The following RFX3 variants were observed in gnomAD, a reference collection of about 807,000 sequenced individuals.
RFX3 encodes the protein transcription factor RFX3.
In RFX3, 14 loss-of-function variants were observed where a neutral mutation model predicts 98.6. That is an observed-to-expected ratio of 0.14 (90% CI 0.09 to 0.22). The LOEUF (loss-of-function observed/expected upper bound fraction) is 0.22. Among genes scored for constraint, RFX3 ranks in the 10% least tolerant of loss-of-function variants. The pLI, the probability that RFX3 is intolerant of heterozygous loss-of-function variation, is 1.00. For missense variants in RFX3, 639 were observed against 926.9 expected, an observed-to-expected ratio of 0.69 and a Z score of 4.03; for synonymous variants, 383 against 328.4, an observed-to-expected ratio of 1.17 and a Z score of -1.80.
chr9:3,313,662 C>A (rs1233926486), intron 4 of RFX3, among the ~76,000 whole-genome samples: 2 of 152,076 alleles, frequency 1.3e-5, no homozygotes, highest in Admixed American at 1.3e-4. Context: ...AATAAACAGT[C>A]TAGAGAAATC....
At chr9:3,423,778 C>CATATATATAT (rs61209874) in intron 1 of RFX3, among the ~76,000 whole-genome samples, 3,834 of 110,592 alleles carry the variant, frequency 0.035, 143 homozygotes, top group East Asian at 0.099. Context: ...TATATATTTT[C>CATATATATAT]ATATATATAT....
At chr9:3,495,967 A>T (rs535667714) in intron 1 of RFX3, among the ~76,000 whole-genome samples, 1 of 152,068 alleles carries the variant, frequency 6.6e-6, no homozygotes, top group African/African-American at 2.4e-5. Context: ...TGATGAGCAC[A>T]TTAAATAGCT....
intron 16 of RFX3, among the ~76,000 whole-genome samples, chr9:3,226,315 C>G (rs1251630016): frequency 6.6e-6 from 1 of 152,176 alleles, no homozygotes; most frequent in Admixed American, 6.5e-5. Flanking sequence ...ACACCCACAG[C>G]AAAAATCTCT....
chr9:3,475,114 G>T (rs1247374328), intron 1 of RFX3, among the ~76,000 whole-genome samples: 1 of 143,616 alleles, frequency 7.0e-6, no homozygotes, highest in African/African-American at 2.8e-5. Context: ...AAAAAAAAAA[G>T]AAAGAAAAAG....
At position 3,260,506 on chromosome 9, in the gene RFX3, C is replaced by T. The variant is rs866400727; in HGVS notation, c.1605+2429G>A. 4.0e-5 allele frequency among the ~76,000 whole-genome samples: 6 copies of T among 151,624 alleles called. No homozygotes were observed. In the South Asian group the frequency reaches 6.2e-4, roughly 16 times the overall value. On this transcript the variant is annotated intron_variant, in intron 13 of 16. Coordinates refer to ENST00000617270, the MANE Select transcript of RFX3 (RefSeq NM_001282116.2). ...CTAACAGAACACTGAAAAACTTTTTCGGATATTATTATAAATAATTCTTTA... is the reference window on the plus strand; with the variant it reads ...CTAACAGAACACTGAAAAACTTTTTTGGATATTATTATAAATAATTCTTTA...
At chr9:3,520,145 GT>G (rs1818563043) in intron 1 of RFX3, among the ~76,000 whole-genome samples, 1 of 152,028 alleles carries the variant, frequency 6.6e-6, no homozygotes. Context: ...AAACTAACTG[GT>G]AAACTGTAGG....
chr9:3,296,067 T>C (rs949065432), intron 5 of RFX3, among the ~76,000 whole-genome samples: 7 of 151,950 alleles, frequency 4.6e-5, no homozygotes, highest in Non-Finnish European at 8.8e-5. Context: ...GGAATTATCT[T>C]GTAGATTAAA....
chr9:3,271,543 CTT>C (rs748939559), intron 9 of RFX3, among the ~76,000 whole-genome samples: 2,005 of 74,174 alleles, frequency 0.027, 20 homozygotes, highest in Middle Eastern at 0.049. Context: ...CTCTCTTTCT[CTT>C]TCTCTCTTTC....
chr9:3,394,732 G>A, intron 2 of RFX3: 1 of 690,254 alleles, frequency 1.4e-6, no homozygotes, highest in Non-Finnish European at 1.8e-6. Flanking sequence ...GGCAAATCTT[G>A]AATCTCAAGA....
At chr9:3,413,484 G>A (rs959965563) in intron 1 of RFX3, among the ~76,000 whole-genome samples, 1 of 151,944 alleles carries the variant, frequency 6.6e-6, no homozygotes, top group East Asian at 1.9e-4. Flanking sequence ...ATTTTTAAAT[G>A]GCCCACCTTT....
intron 4 of RFX3, among the ~76,000 whole-genome samples, chr9:3,314,040 C>G (rs913771470): frequency 3.3e-5 from 5 of 152,142 alleles, no homozygotes; most frequent in Non-Finnish European, 4.4e-5. Flanking sequence ...AGATACTCCT[C>G]GAGAAGAACA....
chr9:3,245,542 G>C (rs116271914), intron 15 of RFX3, among the ~76,000 whole-genome samples: 2,056 of 152,226 alleles, frequency 0.014, 47 homozygotes, highest in African/African-American at 0.047. Flanking sequence ...TGAGGGATTT[G>C]AGAAACAGAA....
intron 14 of RFX3, among the ~76,000 whole-genome samples, chr9:3,248,913 T>C (rs1821024827): frequency 6.6e-6 from 1 of 152,130 alleles, no homozygotes; most frequent in South Asian, 2.1e-4. Context: ...TAATAAACTC[T>C]ATTATATTTA....
intron 1 of RFX3, among the ~76,000 whole-genome samples, chr9:3,433,066 A>G (rs193044397): frequency 1.2e-4 from 18 of 152,280 alleles, no homozygotes; most frequent in African/African-American, 3.6e-4. Flanking sequence ...TCAGCCCTGC[A>G]GAAGCCGAGT....
intron 1 of RFX3, among the ~76,000 whole-genome samples, chr9:3,396,801 G>C (rs992626826): frequency 6.6e-6 from 1 of 152,168 alleles, no homozygotes; most frequent in African/African-American, 2.4e-5. Flanking sequence ...GTGATGATGA[G>C]CATTTTTTCA....
intron 2 of RFX3, among the ~76,000 whole-genome samples, chr9:3,366,711 T>TTTCTTTCTTTCTTTCC (rs1563994125): frequency 7.4e-6 from 1 of 134,340 alleles, no homozygotes; most frequent in African/African-American, 2.9e-5. Context: ...TCTTTCTTTC[T>TTTCTTTCTTTCTTTCC]TTCTTTCTTT....
chr9:3,505,155 T>C (rs1816808086), intron 1 of RFX3, among the ~76,000 whole-genome samples: 1 of 99,204 alleles, frequency 1.0e-5, no homozygotes, highest in Non-Finnish European at 1.8e-5. Flanking sequence ...TATGAATATA[T>C]GAAATATATT....
chr9:3,245,272 T>C (rs1217030618), intron 15 of RFX3, among the ~76,000 whole-genome samples: 1 of 152,136 alleles, frequency 6.6e-6, no homozygotes, highest in African/African-American at 2.4e-5. Context: ...CATGGGGAGA[T>C]GGGCAGAGGC....
At chr9:3,326,403 T>C (rs1831922940) in intron 4 of RFX3, among the ~76,000 whole-genome samples, 1 of 152,144 alleles carries the variant, frequency 6.6e-6, no homozygotes, top group South Asian at 2.1e-4. Context: ...ATGTGTGGCA[T>C]GGGGATTTAT....
Sources: gnomAD v4.1 joint callset for allele counts (sites outside exome capture counted in the v4.1 genomes callset) on GRCh38, gnomAD v4.1.1 for gene constraint, MANE v1.5 for transcripts, NCBI Gene and HGNC (gene_info 2026-07-23, HGNC 2026-07-21) for gene names.